OTOP1: variants seen among roughly 807,000 people sequenced by gnomAD.
OTOP1 encodes the protein proton channel OTOP1.
Under a neutral mutation model 52.9 loss-of-function variants are expected in OTOP1, and 59 were observed. The ratio of observed to expected loss-of-function variants is 1.12; its 90% CI spans 0.91 to 1.39. The LOEUF is 1.39. Among genes scored for constraint, OTOP1 ranks in the 40% most tolerant of loss-of-function variants. The probability of loss-of-function intolerance (pLI) is 0.00; values close to 1 mark genes in which losing one functional copy is unlikely to be tolerated. For synonymous variants in OTOP1, 317 were observed against 337.7 expected, an observed-to-expected ratio of 0.94 and a Z score of 0.67; for missense variants, 761 against 800.9, an observed-to-expected ratio of 0.95 and a Z score of 0.60.
chr4:4,194,929 C>T (rs936262612), intron 5 of OTOP1, among the ~76,000 whole-genome samples: 12 of 152,192 alleles, frequency 7.9e-5, no homozygotes, highest in Admixed American at 7.9e-4. Flanking sequence ...CTCTCCATCC[C>T]TCCATCACTG....
intron 1 of OTOP1, among the ~76,000 whole-genome samples, chr4:4,218,076 T>C (rs73793126): frequency 0.01 from 1,574 of 152,126 alleles, 34 homozygotes; most frequent in African/African-American, 0.036. Flanking sequence ...TGAGGCGAAA[T>C]TCTATTAACT....
chr4:4,200,906 G>A lies in OTOP1; in HGVS notation c.730+1542C>T, dbSNP rs577946655. On this transcript the variant is annotated intron_variant, in intron 4 of 5. Coordinates refer to ENST00000296358, the MANE Select transcript of OTOP1 (RefSeq NM_177998.3). ...TTCCCTAGCACTTACAATTCAATAC[G>A]GTGTTATGCAGAAGACCAGGGAAGA... 3.5e-4 allele frequency among the ~76,000 whole-genome samples: 54 copies of A among 152,120 alleles called. 2 individuals carry two copies. The South Asian group carries it at 0.01, about 29-fold the overall frequency.
chr4:4,207,992 GA>G (rs1410175096), intron 2 of OTOP1, among the ~76,000 whole-genome samples: 2 of 152,198 alleles, frequency 1.3e-5, no homozygotes, highest in African/African-American at 4.8e-5. Flanking sequence ...TCACATGTGA[GA>G]GGGGGTAGAG....
chr4:4,212,059 T>C (rs1180680988), intron 2 of OTOP1, among the ~76,000 whole-genome samples: 2 of 152,038 alleles, frequency 1.3e-5, no homozygotes, highest in Non-Finnish European at 2.9e-5. Context: ...TCACTATGGA[T>C]AGGAATATCA....
chr4:4,216,628 C>T (rs534076504), intron 1 of OTOP1, among the ~76,000 whole-genome samples: 20 of 152,340 alleles, frequency 1.3e-4, no homozygotes, highest in Admixed American at 9.1e-4. Context: ...ATCCTGGAAA[C>T]ACCCCAATGA....
chr4:4,189,723 A>G (rs925073620), intron 5 of OTOP1, among the ~76,000 whole-genome samples: 8 of 152,260 alleles, frequency 5.3e-5, no homozygotes, highest in African/African-American at 1.9e-4. Context: ...CAGGTGGCAG[A>G]GCTGCCATGC....
chr4:4,191,251 C>T lies in OTOP1; in HGVS notation c.1669-2278G>A, dbSNP rs1716498082. Among the ~76,000 whole-genome samples the T allele has an allele frequency of 2.6e-5, 4 of 152,298 alleles. No individual in the cohort carries two copies. In the South Asian group the frequency reaches 6.2e-4, roughly 24 times the overall value. Reference sequence around the variant, plus strand: ...ATCTTCAGCCCACCTGTGGCTCTCTCTCTCCACCTGTCCATCCAGACTTTC... The same window carrying T: ...ATCTTCAGCCCACCTGTGGCTCTCTTTCTCCACCTGTCCATCCAGACTTTC... On this transcript the variant is annotated intron_variant, in intron 5 of 5. Transcript: ENST00000296358.
At chr4:4,201,821 A>G (rs567647711) in intron 4 of OTOP1, among the ~76,000 whole-genome samples, 21 of 152,292 alleles carry the variant, frequency 1.4e-4, no homozygotes, top group African/African-American at 5.1e-4. Context: ...CAAACCTGAG[A>G]CACCCAGTTC....
chr4:4,193,363 T>C (rs1384696730), intron 5 of OTOP1, among the ~76,000 whole-genome samples: 3 of 152,142 alleles, frequency 2.0e-5, no homozygotes, highest in Admixed American at 2.0e-4. Flanking sequence ...ACACCCACCG[T>C]CTGTTGTCTC....
chr4:4,203,563 C>T (rs1328116993), intron 3 of OTOP1, among the ~76,000 whole-genome samples: 1 of 152,226 alleles, frequency 6.6e-6, no homozygotes, highest in Non-Finnish European at 1.5e-5. Context: ...AAGGTCGACA[C>T]TGGACTCTGG....
chr4:4,192,476 A>T (rs1716534100), intron 5 of OTOP1, among the ~76,000 whole-genome samples: 1 of 152,262 alleles, frequency 6.6e-6, no homozygotes, highest in African/African-American at 2.4e-5. Context: ...CTTTTGTCAT[A>T]CATTTGGGGT....
intron 1 of OTOP1, among the ~76,000 whole-genome samples, chr4:4,218,256 G>A (rs1023197366): frequency 6.6e-6 from 1 of 151,902 alleles, no homozygotes; most frequent in Non-Finnish European, 1.5e-5. Flanking sequence ...GTCAGGTGTG[G>A]TGGCAAGCAC....
At position 4,188,897 on chromosome 4, in the gene OTOP1, G is replaced by A. The variant is rs1220416067; in HGVS notation, c.1745C>T (p.Pro582Leu). The change falls in exon 6 of 6, where the codon CCC becomes CTC. Residue 582 changes from proline (P) to leucine (L), a missense_variant. By Grantham distance (98) the Pro-to-Leu change is moderately conservative (BLOSUM62 -3). Transcript: ENST00000296358. ...GGCCAGGTTGACCACAATTATCCAG[G>A]GTTCAAAGCCAAAGACAATCTCCTC... is the stretch of plus-strand genomic sequence containing the variant. ...GLEEIVFGFE[P>L]WIIVVNLAMP... The A allele has an allele frequency of 1.2e-6, 2 of 1,613,820 alleles. No homozygotes were observed. The highest frequency in any genetic ancestry group is 2.2e-5 in the South Asian group (2 of 91,040).
chr4:4,209,784 C>A (rs1178105613), intron 2 of OTOP1, among the ~76,000 whole-genome samples: 1 of 152,126 alleles, frequency 6.6e-6, no homozygotes, highest in Non-Finnish European at 1.5e-5. Context: ...CAGAGTCATG[C>A]AATCTGACCA....
chr4:4,197,424 G>A lies in OTOP1; in HGVS notation c.1410C>T (p.Asn470=), dbSNP rs749363825. 6.2e-7 allele frequency: 1 copy of A among 1,614,064 alleles called. No individual in the cohort carries two copies. The highest frequency in any genetic ancestry group is 8.5e-7 in the Non-Finnish European group (1 of 1,180,032). ...TLRVVTVCNG[N]TMPLASSCPK... is the part of the protein sequence containing the mutation. ...GGCAGGAAGAAGCAAGGGGCATGGTGTTGCCATTGCAGACTGTGACCACCC... is the reference window on the plus strand; with the variant it reads ...GGCAGGAAGAAGCAAGGGGCATGGTATTGCCATTGCAGACTGTGACCACCC... Residue 470 remains asparagine (N), a synonymous_variant, in exon 5 of 6, where the codon AAC becomes AAT. Transcript: ENST00000296358.
intron 5 of OTOP1, among the ~76,000 whole-genome samples, chr4:4,196,946 C>T (rs1254099167): frequency 2.6e-5 from 4 of 152,076 alleles, no homozygotes; most frequent in African/African-American, 4.8e-5. Flanking sequence ...TGAACAGACA[C>T]TACCAGGGAC....
rs768285420 is a variant in OTOP1, at chr4:4,197,982, C to T, written c.852G>A (p.Met284Ile). 1.9e-6 allele frequency: 3 copies of T among 1,613,954 alleles called. No individual in the cohort carries two copies. The highest frequency in any genetic ancestry group is 2.5e-6 in the Non-Finnish European group (3 of 1,180,008). The change falls in exon 5 of 6, where the codon ATG becomes ATA. Residue 284 changes from methionine (M) to isoleucine (I), a missense_variant. Met to Ile is a conservative substitution (Grantham distance 10). Around this residue, in one of 3 missense-constraint regions of OTOP1, gnomAD observed 632 missense variants for 619.5 expected, o/e 1.02. Transcript: ENST00000296358. ...NIEYQILAST[M>I]LYVLWKNIGR... ...CGATGTTCTTCCACAGGACGTAGAG[C>T]ATTGTGGAGGCCAGGATCTGATACT...
intron 2 of OTOP1, among the ~76,000 whole-genome samples, chr4:4,207,606 T>C (rs1716935326): frequency 6.6e-6 from 1 of 151,938 alleles, no homozygotes; most frequent in Non-Finnish European, 1.5e-5. Flanking sequence ...TATATATATA[T>C]ATATATATCC....
chr4:4,201,356 G>T (rs1278484407), intron 4 of OTOP1, among the ~76,000 whole-genome samples: 1 of 152,034 alleles, frequency 6.6e-6, no homozygotes, highest in African/African-American at 2.4e-5. Flanking sequence ...GAACCTGGGA[G>T]GCAGAGGTTG....
Sources: gnomAD v4.1 joint callset for allele counts (sites outside exome capture counted in the v4.1 genomes callset) on GRCh38, gnomAD v4.1.1 for gene constraint, gnomAD v4.1.1 regional missense constraint, MANE v1.5 for transcripts, NCBI Gene and HGNC (gene_info 2026-07-23, HGNC 2026-07-21) for gene names.